Variants in NR2C2 observed in about 807,000 individuals in gnomAD.
The protein encoded by NR2C2 is nuclear receptor subfamily 2 group C member 2.
NR2C2 carries 6 observed loss-of-function variants against 62.9 expected under a neutral mutation model. The ratio of observed to expected loss-of-function variants is 0.10; its 90% CI spans 0.05 to 0.19. NR2C2 has a LOEUF of 0.19. Ranked by LOEUF, NR2C2 falls within the 10% of genes least tolerant of loss-of-function variation. The pLI is 1.00. For synonymous variants in NR2C2, 272 were observed against 273.8 expected (o/e 0.99, Z 0.07); for missense variants, 479 against 762.7 (o/e 0.63, Z 4.38).
intron 1 of NR2C2, among the ~76,000 whole-genome samples, chr3:15,001,932 G>T (rs2041014959): frequency 6.6e-6 from 1 of 152,080 alleles, no homozygotes; most frequent in South Asian, 2.1e-4. Flanking sequence ...TTTGTGTTTT[G>T]ATCTTATATC....
intron 8 of NR2C2, among the ~76,000 whole-genome samples, chr3:15,029,066 C>T (rs943545305): frequency 2.4e-4 from 36 of 150,872 alleles, no homozygotes; most frequent in Middle Eastern, 3.4e-3. Context: ...CCCTTTCCTA[C>T]TTCTATTTTA....
At chr3:15,041,071 C>T (rs888300417) in intron 13 of NR2C2, among the ~76,000 whole-genome samples, 53 of 152,094 alleles carry the variant, frequency 3.5e-4, no homozygotes, top group Non-Finnish European at 3.7e-4. Context: ...GGTAGGGTGA[C>T]GACAGGTTAC....
At chr3:15,038,999 C>T in intron 12 of NR2C2, 123 bp from the exon 13 acceptor site, 1 of 706,278 alleles carries the variant, frequency 1.4e-6, no homozygotes, top group East Asian at 2.7e-5. Flanking sequence ...CTAGATCAGT[C>T]TTTGAGTTCA....
chr3:15,003,112 A>AT (rs35768154), intron 1 of NR2C2, among the ~76,000 whole-genome samples: 25,565 of 134,860 alleles, frequency 0.19, 2,702 homozygotes, highest in East Asian at 0.44. Flanking sequence ...TGCCTGGCTA[A>AT]TTTTTTTTTT....
intron 12 of NR2C2, chr3:15,038,880 A>C: frequency 2.1e-6 from 1 of 467,512 alleles, no homozygotes; most frequent in Non-Finnish European, 3.8e-6. Flanking sequence ...AGAACCAATC[A>C]TGTGGGGCTG....
chr3:14,976,667 CAG>C (rs2040216677), intron 1 of NR2C2, among the ~76,000 whole-genome samples: 1 of 132,770 alleles, frequency 7.5e-6, no homozygotes, highest in Non-Finnish European at 1.5e-5. Context: ...AAGGGTGCAT[CAG>C]AGGTGATTTT....
At chr3:14,949,781 T>TTTA in intron 1 of NR2C2, among the ~76,000 whole-genome samples, 1 of 149,428 alleles carries the variant, frequency 6.7e-6, no homozygotes, top group African/African-American at 2.6e-5. Context: ...TTATTTATTT[T>TTTA]TTGAGACCAA....
chr3:14,963,911 T>G (rs1410500860), intron 1 of NR2C2, among the ~76,000 whole-genome samples: 1 of 152,188 alleles, frequency 6.6e-6, no homozygotes, highest in African/African-American at 2.4e-5. Context: ...ATGTAACTAG[T>G]TACCTACCCC....
chr3:14,951,012 T>C (rs1395671677), intron 1 of NR2C2, among the ~76,000 whole-genome samples: 1 of 152,234 alleles, frequency 6.6e-6, no homozygotes, highest in African/African-American at 2.4e-5. Flanking sequence ...TTCCCACTCA[T>C]TTTTTTATGA....
At chr3:14,977,076 T>A (rs568541364) in intron 1 of NR2C2, among the ~76,000 whole-genome samples, 1 of 152,322 alleles carries the variant, frequency 6.6e-6, no homozygotes, top group South Asian at 2.1e-4. Flanking sequence ...CCTCAGTTTT[T>A]TTCTAGTCTC....
rs574641124 is a variant in NR2C2, at chr3:15,013,337, A to G, written c.73-252A>G. On this transcript the variant is annotated intron_variant, in intron 2 of 13. Coordinates refer to ENST00000425241, the MANE Select transcript of NR2C2 (RefSeq NM_001291694.2). ...TATTATTGCCTTCATTTCATAAAAG[A>G]AAGGGCATTTTAATTCTAAAAACAG... Among the ~76,000 whole-genome samples the G allele has an allele frequency of 1.4e-4, 21 of 152,350 alleles. 1 individual carries two copies. In the South Asian group the frequency reaches 4.4e-3, roughly 32 times the overall value.
intron 2 of NR2C2, among the ~76,000 whole-genome samples, chr3:15,009,675 T>G (rs1475183190): frequency 1.3e-5 from 2 of 152,208 alleles, no homozygotes; most frequent in Admixed American, 1.3e-4. Flanking sequence ...AGTAAAGAAA[T>G]AAAATTTGCC....
intron 1 of NR2C2, among the ~76,000 whole-genome samples, chr3:14,949,373 C>T (rs2039273340): frequency 6.6e-6 from 1 of 152,206 alleles, no homozygotes. Context: ...TCCCGTGTAA[C>T]GGCCCTGGAG....
Position 15,040,413 on chromosome 3 carries a change from C to T in NR2C2, c.1616+1186C>T, listed in dbSNP as rs146083447. ...ATAAACATTGGAACAAAATTGACAG[C>T]CTGGGAAGACACACAGGCCCACCTT... On this transcript the variant is annotated intron_variant, in intron 13 of 13. Coordinates refer to ENST00000425241, the MANE Select transcript of NR2C2 (RefSeq NM_001291694.2). Among the ~76,000 whole-genome samples the T allele has an allele frequency of 4.4e-3, 672 of 152,344 alleles. 1 individual carries two copies. The highest frequency in any genetic ancestry group is 0.015 in the African/African-American group (642 of 41,576).
intron 4 of NR2C2, among the ~76,000 whole-genome samples, chr3:15,020,455 T>C (rs1472456578): frequency 2.6e-5 from 4 of 152,252 alleles, no homozygotes; most frequent in East Asian, 1.9e-4. Context: ...TCCTACTGTA[T>C]GTTAGACCAT....
intron 1 of NR2C2, among the ~76,000 whole-genome samples, chr3:14,974,086 A>G (rs1385342662): frequency 6.6e-6 from 1 of 152,214 alleles, no homozygotes; most frequent in African/African-American, 2.4e-5. Context: ...CTTATTAAAC[A>G]GCAACTCCCC....
intron 13 of NR2C2, chr3:15,042,374 TC>T (rs2042300367): frequency 6.5e-6 from 1 of 152,756 alleles, no homozygotes; most frequent in African/African-American, 2.4e-5. Context: ...GTGAACATTT[TC>T]CCAATACTTT....
intron 1 of NR2C2, among the ~76,000 whole-genome samples, chr3:14,980,412 C>T (rs1025745155): frequency 6.6e-6 from 1 of 152,128 alleles, no homozygotes; most frequent in African/African-American, 2.4e-5. Context: ...ATTCTCCTGC[C>T]TCGGCCTCCC....
At chr3:14,996,888 A>G (rs2040848749) in intron 1 of NR2C2, among the ~76,000 whole-genome samples, 1 of 152,202 alleles carries the variant, frequency 6.6e-6, no homozygotes, top group Non-Finnish European at 1.5e-5. Context: ...GTTTAAGGTG[A>G]CAGTACAAGT....
Sources: allele counts gnomAD v4.1 joint callset (sites outside exome capture counted in the v4.1 genomes callset), GRCh38; gene constraint gnomAD v4.1.1; transcripts MANE v1.5; gene names NCBI Gene and HGNC (gene_info 2026-07-23, HGNC 2026-07-21).